The following BSCL2 variants were observed in gnomAD, a reference collection of about 807,000 sequenced individuals.
BSCL2 encodes the protein BSCL2 lipid droplet biogenesis associated, seipin, also known as seipin.
Under a neutral mutation model 57.4 loss-of-function variants are expected in BSCL2, and 41 were observed. The ratio of observed to expected loss-of-function variants is 0.71; its 90% CI spans 0.56 to 0.93. BSCL2 has a LOEUF of 0.93. Among genes scored for constraint, BSCL2 ranks in the 40% least tolerant of loss-of-function variants. The pLI is 0.00. For synonymous variants in BSCL2, 237 were observed against 227.3 expected, an observed-to-expected ratio of 1.04 and a Z score of -0.38; for missense variants, 539 against 586.7, an observed-to-expected ratio of 0.92 and a Z score of 0.84.
At chr11:62,697,397 A>G (rs1590876171) in intron 3 of BSCL2, 1 of 151,616 alleles carries the variant, frequency 6.6e-6, no homozygotes, top group Middle Eastern at 3.4e-3. Flanking sequence ...AAAAAAAAAA[A>G]AAAAAAAATT....
At chr11:62,704,578 C>G (rs35152458) in intron 2 of BSCL2, among the ~76,000 whole-genome samples, 107,521 of 150,804 alleles carry the variant, frequency 0.71, 39,190 homozygotes, top group Admixed American at 0.81. Flanking sequence ...CAAAAAAAAA[C>G]CCATCTCTAC....
At chr11:62,701,262 T>C (rs1467555781) in intron 3 of BSCL2, among the ~76,000 whole-genome samples, 1 of 152,186 alleles carries the variant, frequency 6.6e-6, no homozygotes, top group Non-Finnish European at 1.5e-5. Context: ...TCACTTTACC[T>C]AGCAGATAAA....
upstream of BSCL2, chr11:62,708,485 C>A (rs1159630616): frequency 8.2e-7 from 1 of 1,226,354 alleles, no homozygotes; most frequent in Non-Finnish European, 1.2e-6. Context: ...GCGTTCTTTC[C>A]TTCACTCCCT....
At chr11:62,696,676 G>C (rs543893057) in intron 3 of BSCL2, among the ~76,000 whole-genome samples, 1 of 152,084 alleles carries the variant, frequency 6.6e-6, no homozygotes, top group Admixed American at 6.6e-5. Context: ...TCCTGTCTCA[G>C]CCTCCTGAGT....
At chr11:62,694,841 G>T in intron 3 of BSCL2, 130 bp from the exon 4 acceptor site, 2 of 1,132,542 alleles carry the variant, frequency 1.8e-6, no homozygotes, top group South Asian at 2.7e-5. Flanking sequence ...GTAGCCTAAC[G>T]GGCCTTTCAA....
At chr11:62,694,305 G>A (rs1945389691) in intron 4 of BSCL2, among the ~76,000 whole-genome samples, 1 of 142,238 alleles carries the variant, frequency 7.0e-6, no homozygotes, top group African/African-American at 2.6e-5. Flanking sequence ...CCAGGTTTAA[G>A]CGATCCTCCC....
upstream of BSCL2, chr11:62,709,473 G>T (rs1300781564): frequency 2.2e-6 from 1 of 454,054 alleles, no homozygotes; most frequent in Admixed American, 2.3e-5. Flanking sequence ...GGATTTAGGG[G>T]AGGGTGCGGG....
intron 1 of BSCL2, chr11:62,706,136 C>A (rs1005060866): frequency 3.3e-6 from 3 of 902,634 alleles, no homozygotes; most frequent in Admixed American, 5.2e-5. Context: ...GAGCGCCCTG[C>A]AGCCAACCGC....
At chr11:62,691,713 T>G (rs1188166047) in intron 6 of BSCL2, among the ~76,000 whole-genome samples, 3 of 152,168 alleles carry the variant, frequency 2.0e-5, no homozygotes, top group Non-Finnish European at 4.4e-5. Context: ...AGAGTAGCTC[T>G]TAATTCTGTC....
intron 6 of BSCL2, among the ~76,000 whole-genome samples, chr11:62,691,772 C>T (rs532116095): frequency 7.2e-5 from 11 of 152,236 alleles, no homozygotes; most frequent in Middle Eastern, 6.8e-3. Context: ...GCTCACAGGC[C>T]GGACGCGGTG....
At position 62,702,566 on chromosome 11, in the gene BSCL2, G is replaced by A. The variant is rs748460314; in HGVS notation, c.405-17C>T. ...CAGTCGGTCCTAAATGAGATTGGAG[G>A]AGGATACTCTGCTAAGTTAGTCTTA... On this transcript the variant is annotated splice_polypyrimidine_tract_variant and intron_variant, in intron 2 of 10. Transcript: ENST00000360796. 20 of 1,602,696 alleles carry A rather than the reference G, an allele frequency of 1.2e-5. No individual in the cohort carries two copies. In the South Asian group the frequency reaches 2.2e-4, roughly 18 times the overall value.
intron 6 of BSCL2, among the ~76,000 whole-genome samples, chr11:62,691,892 T>C (rs1945320380): frequency 1.3e-5 from 2 of 151,538 alleles, no homozygotes; most frequent in Admixed American, 6.6e-5. Context: ...CTACCAAAAA[T>C]ACAAAAAAAA....
At chr11:62,690,890 G>A (rs1032959504) in intron 8 of BSCL2, 23 bp from the exon 9 acceptor site, 6 of 1,612,132 alleles carry the variant, frequency 3.7e-6, no homozygotes, top group African/African-American at 2.7e-5. Flanking sequence ...AGAGGGAGAG[G>A]ACAGGTTAGG....
chr11:62,708,006 G>A (rs1173886961), upstream of BSCL2: 4 of 445,018 alleles, frequency 9.0e-6, no homozygotes, highest in Admixed American at 1.4e-4. Context: ...GAGGTCTTCA[G>A]AGCTGGGAAC....
chr11:62,705,707 A>C, intron 1 of BSCL2, 90 bp from the exon 2 acceptor site: 1 of 1,245,826 alleles, frequency 8.0e-7, no homozygotes, highest in South Asian at 1.6e-5. Flanking sequence ...GAGGAACGAG[A>C]GATAGCAGGA....
At chr11:62,703,877 T>A (rs1032531972) in intron 2 of BSCL2, among the ~76,000 whole-genome samples, 1 of 150,582 alleles carries the variant, frequency 6.6e-6, no homozygotes, top group Non-Finnish European at 1.5e-5. Flanking sequence ...CCCAGCACTT[T>A]GGGAGGCCAA....
At chr11:62,702,600 T>C (rs367677707) in intron 2 of BSCL2, 51 bp from the exon 3 acceptor site, 1 of 1,512,100 alleles carries the variant, frequency 6.6e-7, no homozygotes, top group Admixed American at 1.7e-5. Context: ...TACTAGTCCA[T>C]CCATACACCT....
intron 3 of BSCL2, among the ~76,000 whole-genome samples, chr11:62,696,278 T>TTGTG (rs1197051764): frequency 0.029 from 3,954 of 136,276 alleles, 85 homozygotes; most frequent in East Asian, 0.096. Context: ...CATAAACTTT[T>TTGTG]TGTGTGTGTG....
At chr11:62,692,885 T>C in intron 4 of BSCL2, 88 bp from the exon 5 acceptor site, 1 of 1,566,874 alleles carries the variant, frequency 6.4e-7, no homozygotes, top group Non-Finnish European at 8.7e-7. Flanking sequence ...CTGAGTAGTC[T>C]ATGAAGGCGG....
Sources: gnomAD v4.1 joint callset for allele counts (sites outside exome capture counted in the v4.1 genomes callset) on GRCh38, gnomAD v4.1.1 for gene constraint, MANE v1.5 for transcripts, NCBI Gene and HGNC (gene_info 2026-07-23, HGNC 2026-07-21) for gene names.